The following CTDSPL variants were observed in gnomAD, a reference collection of about 807,000 sequenced individuals.
The protein encoded by CTDSPL is CTD small phosphatase like.
A neutral mutation model predicts 30.5 loss-of-function variants in CTDSPL; 8 were observed. That is an observed-to-expected ratio of 0.26 (90% confidence interval 0.15 to 0.47). The LOEUF (loss-of-function observed/expected upper bound fraction) is 0.47, where lower values mean the gene tolerates loss of function less well. CTDSPL is among the 20% of genes least tolerant of loss of function. The pLI is 0.99. For synonymous variants in CTDSPL, 110 were observed against 137.9 expected, an observed-to-expected ratio of 0.80 and a Z score of 1.42; for missense variants, 248 against 366.1, an observed-to-expected ratio of 0.68 and a Z score of 2.63.
chr3:37,887,016 G>A (rs75111060), intron 1 of CTDSPL, among the ~76,000 whole-genome samples: 96 of 152,322 alleles, frequency 6.3e-4, no homozygotes, highest in African/African-American at 2.3e-3. Context: ...TGTGGACACT[G>A]AAGCTTTTCT....
intron 7 of CTDSPL, among the ~76,000 whole-genome samples, chr3:37,979,273 G>A (rs1699462502): frequency 6.7e-6 from 1 of 149,344 alleles, no homozygotes; most frequent in Admixed American, 6.7e-5. Context: ...AACCAGCCTG[G>A]ACAACAAAGC....
Position 37,981,806 on chromosome 3 carries a change from A to G in CTDSPL, c.*939A>G, listed in dbSNP as rs1486562935. 1.3e-5 allele frequency: 6 copies of G among 456,754 alleles called. No individual in the cohort carries two copies. The East Asian group carries it at 3.5e-4, about 26-fold the overall frequency. 28.3% of individuals were successfully genotyped at this position (456,754 alleles called of 1,614,324 possible). A position where few individuals can be genotyped will look rare whatever the true frequency, so the allele number is the denominator to read the frequency against. ...AAAGAAATCTGTTTATTGATTTTTA[A>G]ATCTTTCCTTTCCAAAAGCTGGATA... On this transcript the variant is annotated 3_prime_UTR_variant, in exon 8 of 8. Coordinates refer to ENST00000273179, the MANE Select transcript of CTDSPL (RefSeq NM_001008392.2).
At position 37,911,784 on chromosome 3, in the gene CTDSPL, C is replaced by T. The variant is rs115302050; in HGVS notation, c.80-35273C>T. 1,030 of 454,554 alleles carry T rather than the reference C, an allele frequency of 2.3e-3. 10 individuals are homozygous for T. The highest frequency in any genetic ancestry group is 0.019 in the African/African-American group (939 of 50,144). The allele number at this position is 454,554 out of a possible 1,614,324, so 28.2% of individuals were successfully genotyped here. ...TAAAGAGAGAAGGAGGACAGCCAGG[C>T]GCGGTGGTTCACGCCTATAATCCCA... On this transcript the variant is annotated intron_variant, in intron 1 of 7. Transcript: ENST00000273179.
At chr3:37,911,572 A>G in intron 1 of CTDSPL, 1 of 423,258 alleles carries the variant, frequency 2.4e-6, no homozygotes, top group Admixed American at 2.5e-5. Flanking sequence ...GCTATTTCTA[A>G]TTCCACTGAA....
intron 1 of CTDSPL, among the ~76,000 whole-genome samples, chr3:37,922,250 G>A (rs995204155): frequency 6.6e-6 from 1 of 151,654 alleles, no homozygotes; most frequent in Admixed American, 6.6e-5. Context: ...AAAAAAAAAA[G>A]AGTACCCACA....
intron 1 of CTDSPL, among the ~76,000 whole-genome samples, chr3:37,929,836 G>C (rs1698829255): frequency 6.6e-6 from 1 of 152,140 alleles, no homozygotes; most frequent in South Asian, 2.1e-4. Context: ...AGAGTGGCAT[G>C]GTGGCTCACG....
chr3:37,874,601 G>A (rs547255643), intron 1 of CTDSPL, among the ~76,000 whole-genome samples: 3 of 152,122 alleles, frequency 2.0e-5, no homozygotes, highest in South Asian at 4.1e-4. Context: ...GTGGTGGCAC[G>A]CACTGGTAGT....
At chr3:37,896,561 G>C (rs1409222623) in intron 1 of CTDSPL, among the ~76,000 whole-genome samples, 3 of 152,142 alleles carry the variant, frequency 2.0e-5, no homozygotes, top group Non-Finnish European at 4.4e-5. Context: ...TTTTGAGACA[G>C]AGTCTTGCTT....
chr3:37,947,442 C>T (rs1209265072), intron 2 of CTDSPL, among the ~76,000 whole-genome samples: 1 of 152,100 alleles, frequency 6.6e-6, no homozygotes, highest in Non-Finnish European at 1.5e-5. Context: ...CGCCTGTAAT[C>T]CCAGCTACTA....
chr3:37,895,638 C>T (rs1698382489), intron 1 of CTDSPL, among the ~76,000 whole-genome samples: 1 of 152,194 alleles, frequency 6.6e-6, no homozygotes, highest in Admixed American at 6.5e-5. Flanking sequence ...AATCTGCTTA[C>T]TGTCTATCTT....
intron 1 of CTDSPL, among the ~76,000 whole-genome samples, chr3:37,886,568 T>G (rs1157787675): frequency 6.6e-6 from 1 of 152,190 alleles, no homozygotes; most frequent in Non-Finnish European, 1.5e-5. Flanking sequence ...GAGTTGAACC[T>G]ATTCCCCTGA....
chr3:37,954,775 A>AG (rs1699150579), intron 2 of CTDSPL: 1 of 152,308 alleles, frequency 6.6e-6, no homozygotes, highest in Admixed American at 6.5e-5. Context: ...AGAAGCCTCC[A>AG]GGGGCTGGGA....
intron 1 of CTDSPL, among the ~76,000 whole-genome samples, chr3:37,905,422 T>G (rs1698502885): frequency 6.6e-6 from 1 of 152,254 alleles, no homozygotes; most frequent in Admixed American, 6.5e-5. Context: ...CAGTCAAGTT[T>G]TAAAAGACTT....
chr3:37,980,357 T>TCTGGCCAG (rs1440275802), intron 7 of CTDSPL, among the ~76,000 whole-genome samples: 2 of 152,236 alleles, frequency 1.3e-5, no homozygotes, highest in Non-Finnish European at 2.9e-5. Context: ...AGTGGTTGGC[T>TCTGGCCAG]TGTAAGCTCT....
chr3:37,931,056 A>G (rs1487837736), intron 1 of CTDSPL, among the ~76,000 whole-genome samples: 1 of 149,948 alleles, frequency 6.7e-6, no homozygotes, highest in Non-Finnish European at 1.5e-5. Flanking sequence ...CTTTCAGCCT[A>G]TGTGTGTCTT....
intron 1 of CTDSPL, among the ~76,000 whole-genome samples, chr3:37,917,779 A>G (rs183894935): frequency 6.6e-6 from 1 of 152,368 alleles, no homozygotes; most frequent in East Asian, 1.9e-4. Context: ...GTATCCAGGC[A>G]CTGCGGATAT....
intron 1 of CTDSPL, among the ~76,000 whole-genome samples, chr3:37,934,968 A>G (rs1443511958): frequency 6.6e-6 from 1 of 152,194 alleles, no homozygotes; most frequent in African/African-American, 2.4e-5. Context: ...CAGAGCTTGT[A>G]CAGACATTCA....
intron 1 of CTDSPL, among the ~76,000 whole-genome samples, chr3:37,867,796 A>G (rs1698028866): frequency 1.3e-5 from 2 of 152,210 alleles, no homozygotes. Context: ...TGGCAAATAC[A>G]GTTGTTTAGA....
rs928950535 is a variant in CTDSPL at position 37,942,034 on chromosome 3, T to C, written c.80-5023T>C. ...GCTTCCTGACCTCCACTTGAAAGCATTGTTCTTTTCCTAAGGGAAAACAGC... is the reference window on the plus strand; with the variant it reads ...GCTTCCTGACCTCCACTTGAAAGCACTGTTCTTTTCCTAAGGGAAAACAGC... On this transcript the variant is annotated intron_variant, in intron 1 of 7. Coordinates refer to ENST00000273179, the MANE Select transcript of CTDSPL (RefSeq NM_001008392.2). 4.0e-5 allele frequency among the ~76,000 whole-genome samples: 6 copies of C among 150,272 alleles called. 1 individual carries two copies. The highest frequency in any genetic ancestry group is 3.0e-5 in the Non-Finnish European group (2 of 67,006).
Sources: gnomAD v4.1 joint callset for allele counts (sites outside exome capture counted in the v4.1 genomes callset) on GRCh38, gnomAD v4.1.1 for gene constraint, MANE v1.5 for transcripts, NCBI Gene and HGNC (gene_info 2026-07-23, HGNC 2026-07-21) for gene names.